WDR44: variants seen among roughly 807,000 people sequenced by gnomAD.
The protein encoded by WDR44 is WD repeat-containing protein 44.
In WDR44, 9 loss-of-function variants were observed where a neutral mutation model predicts 65.7. The ratio of observed to expected loss-of-function variants is 0.14; its 90% CI spans 0.08 to 0.24. The LOEUF is 0.24. Ranked by LOEUF, WDR44 falls within the 10% of genes least tolerant of loss-of-function variation. The pLI is 1.00. For synonymous variants in WDR44, 220 were observed against 235.2 expected (o/e 0.94, Z 0.59); for missense variants, 425 against 670.9 (o/e 0.63, Z 4.05).
In WDR44 at chrX:118,449,007, TAAAC is replaced by T. The variant is rs2057370391; in HGVS notation, c.*22_*25del. The T allele has an allele frequency of 2.8e-6, 3 of 1,060,474 alleles. No individual in the cohort carries two copies. Among genetic ancestry groups the T allele is most frequent in the Non-Finnish European group, 3.9e-6 (3 of 769,455 alleles). 87.4% of individuals were successfully genotyped at this position (1,060,474 alleles called of 1,213,427 possible). On this transcript the variant is annotated 3_prime_UTR_variant, in exon 20 of 20. Coordinates refer to ENST00000254029, the MANE Select transcript of WDR44 (RefSeq NM_019045.5). ...TCTTAATTTGAAATGGCATTTAAAA[TAAAC>T]ATATCAGTAAGTTTCTATATGTATC...
intron 2 of WDR44, among the ~76,000 whole-genome samples, chrX:118,381,063 G>C (rs2056710651): frequency 8.9e-6 from 1 of 112,111 alleles, no homozygotes; most frequent in African/African-American, 3.2e-5. Flanking sequence ...GATGAGCCTT[G>C]AATGTCAGGT....
intron 12 of WDR44, among the ~76,000 whole-genome samples, chrX:118,432,500 C>A (rs1424828167): frequency 8.9e-6 from 1 of 111,777 alleles, no homozygotes; most frequent in Non-Finnish European, 1.9e-5. Context: ...CTGGTACTGG[C>A]CGTCACCTCT....
At chrX:118,398,608 G>T in intron 8 of WDR44, 138 bp downstream of exon 8, 1 of 503,081 alleles carries the variant, frequency 2.0e-6, no homozygotes, top group South Asian at 3.8e-5. Context: ...CTCGCTGATG[G>T]GTTATGAAGT....
At chrX:118,422,884 T>G (rs910180339) in intron 12 of WDR44, among the ~76,000 whole-genome samples, 3 of 111,475 alleles carry the variant, frequency 2.7e-5, no homozygotes, top group African/African-American at 9.8e-5. Context: ...AACTCAACAA[T>G]TTCACACAGT....
At chrX:118,404,517 TAAG>T (rs2056946264) in intron 9 of WDR44, 73 bp downstream of exon 9, 5 of 772,212 alleles carry the variant, frequency 6.5e-6, no homozygotes, top group Middle Eastern at 4.1e-4. Flanking sequence ...CTGTAGTTTG[TAAG>T]AAGCATTCTA....
chrX:118,368,459 C>CTATATATATATATATATA (rs757542334), intron 1 of WDR44, among the ~76,000 whole-genome samples: 1,455 of 72,725 alleles, frequency 0.02, 167 homozygotes, highest in African/African-American at 0.09. Flanking sequence ...GAAATAGTGA[C>CTATATATATATATATATA]TATATATATA....
At chrX:118,385,489 G>GTTGAGGCCT (rs2056758310) in intron 2 of WDR44, among the ~76,000 whole-genome samples, 1 of 110,950 alleles carries the variant, frequency 9.0e-6, no homozygotes, top group East Asian at 2.8e-4. Flanking sequence ...AACAACACAT[G>GTTGAGGCCT]TTGAGGCCTA....
At chrX:118,429,978 G>A (rs965056525) in intron 12 of WDR44, among the ~76,000 whole-genome samples, 5 of 111,008 alleles carry the variant, frequency 4.5e-5, no homozygotes, top group African/African-American at 1.6e-4. Context: ...AGTTGGAAAT[G>A]TCTAAGTGAC....
intron 13 of WDR44, 49 bp from the exon 14 acceptor site, chrX:118,436,653 G>C: frequency 1.7e-6 from 2 of 1,156,115 alleles, no homozygotes; most frequent in Non-Finnish European, 2.3e-6. Flanking sequence ...GTATAAATAG[G>C]GTTCTTTTTC....
At chrX:118,354,023 T>A (rs1003870539) in intron 1 of WDR44, among the ~76,000 whole-genome samples, 4 of 112,148 alleles carry the variant, frequency 3.6e-5, no homozygotes, top group Non-Finnish European at 7.5e-5. Flanking sequence ...GGGTCTTTTT[T>A]TTTATATTTA....
chrX:118,409,751 G>T (rs2056997607), intron 11 of WDR44, 124 bp downstream of exon 11: 10 of 707,028 alleles, frequency 1.4e-5, no homozygotes, highest in Non-Finnish European at 2.0e-5. Flanking sequence ...CCAAAAACTT[G>T]AAAGTAAGAC....
chrX:118,420,826 G>T (rs1173981179), intron 12 of WDR44, among the ~76,000 whole-genome samples: 3 of 112,386 alleles, frequency 2.7e-5, no homozygotes, highest in African/African-American at 9.7e-5. Flanking sequence ...AGATAAAATT[G>T]TTCTTCATTT....
chrX:118,397,053 A>G lies in WDR44; in HGVS notation c.1137A>G (p.Thr379=). ...GTCTTGCAGAAGAGAAACTACCAAC[A>G]GGCATTAATCCTCTCACTCTACACA... ...PLSLAEEKLP[T]GINPLTLHIM... Residue 379 remains threonine (T), a synonymous_variant, in exon 7 of 20, where the codon ACA becomes ACG. Coordinates refer to ENST00000254029, the MANE Select transcript of WDR44 (RefSeq NM_019045.5). 1 of 1,201,360 alleles carries G rather than the reference A, an allele frequency of 8.3e-7. No homozygotes were observed. The highest frequency in any genetic ancestry group is 1.1e-6 in the Non-Finnish European group (1 of 890,793).
intron 14 of WDR44, among the ~76,000 whole-genome samples, chrX:118,437,463 G>A (rs1471714325): frequency 9.0e-6 from 1 of 111,558 alleles, no homozygotes; most frequent in Admixed American, 9.6e-5. Context: ...TAAGCAAAAG[G>A]GAAATCACAT....
chrX:118,415,794 G>A (rs1207614462), intron 12 of WDR44, among the ~76,000 whole-genome samples: 3 of 112,100 alleles, frequency 2.7e-5, no homozygotes, highest in African/African-American at 6.5e-5. Context: ...ATGAGCCATC[G>A]TGCCCAGCCA....
At chrX:118,406,450 T>G (rs779344461) in intron 9 of WDR44, among the ~76,000 whole-genome samples, 3 of 111,978 alleles carry the variant, frequency 2.7e-5, no homozygotes, top group Non-Finnish European at 5.6e-5. Context: ...TTTCTAAATT[T>G]GCACATATCT....
At chrX:118,365,035 TTC>T (rs2056541414) in intron 1 of WDR44, among the ~76,000 whole-genome samples, 2 of 112,253 alleles carry the variant, frequency 1.8e-5, no homozygotes, top group Non-Finnish European at 3.8e-5. Flanking sequence ...TCTGAGTATG[TTC>T]TGTTTCATCA....
chrX:118,424,547 T>C (rs2057140204), intron 12 of WDR44, among the ~76,000 whole-genome samples: 2 of 108,607 alleles, frequency 1.8e-5, no homozygotes, highest in Non-Finnish European at 3.8e-5. Context: ...TGTTTGAATT[T>C]TGGGGTTTTT....
intron 1 of WDR44, among the ~76,000 whole-genome samples, chrX:118,355,852 G>A (rs1330842003): frequency 1.8e-5 from 2 of 111,607 alleles, no homozygotes; most frequent in Non-Finnish European, 3.8e-5. Flanking sequence ...ATAAGAGGAG[G>A]TAGGTAAGGG....
Sources: allele counts gnomAD v4.1 joint callset (sites outside exome capture counted in the v4.1 genomes callset), GRCh38; gene constraint gnomAD v4.1.1; transcripts MANE v1.5; gene names NCBI Gene and HGNC (gene_info 2026-07-23, HGNC 2026-07-21).